PCGF3: variants seen among roughly 807,000 people sequenced by gnomAD.
The protein encoded by PCGF3 is polycomb group ring finger 3, also known as polycomb group RING finger protein 3.
A neutral mutation model predicts 33.1 loss-of-function variants in PCGF3; 7 were observed. The observed-to-expected ratio is 0.21, with a 90% CI of 0.12 to 0.40. The LOEUF (loss-of-function observed/expected upper bound fraction) is 0.40. PCGF3 is among the 10% of genes least tolerant of loss of function. PCGF3 has a pLI of 1.00. For synonymous variants in PCGF3, 153 were observed against 121.3 expected (o/e 1.26, Z -1.72); for missense variants, 211 against 313.3 (o/e 0.67, Z 2.46).
At chr4:722,979 G>A (rs1465452303) in intron 1 of PCGF3, among the ~76,000 whole-genome samples, 3 of 130,460 alleles carry the variant, frequency 2.3e-5, no homozygotes, top group African/African-American at 3.2e-5. Context: ...TCCACACTCA[G>A]TCATCGCCCG....
At chr4:753,704 T>G (rs1482570471) in intron 8 of PCGF3, among the ~76,000 whole-genome samples, 1 of 150,708 alleles carries the variant, frequency 6.6e-6, no homozygotes, top group Non-Finnish European at 1.5e-5. Context: ...TCCCAGTACT[T>G]TGGGAGGCTG....
intron 6 of PCGF3, among the ~76,000 whole-genome samples, chr4:740,220 G>A (rs555647174): frequency 2.6e-5 from 4 of 152,344 alleles, no homozygotes; most frequent in African/African-American, 4.8e-5. Context: ...TGGAGGAGAC[G>A]CCAACACGGT....
At chr4:736,188 C>T (rs1023538398) in intron 5 of PCGF3, among the ~76,000 whole-genome samples, 1 of 152,066 alleles carries the variant, frequency 6.6e-6, no homozygotes, top group Non-Finnish European at 1.5e-5. Flanking sequence ...GCTGGAATTA[C>T]AGGCGCATGT....
intron 1 of PCGF3, among the ~76,000 whole-genome samples, chr4:716,148 A>G (rs1411729404): frequency 4.5e-4 from 45 of 99,044 alleles, no homozygotes; most frequent in Middle Eastern, 0.02. Context: ...GGGACCCTGT[A>G]GACACTGAGT....
At chr4:715,054 T>A (rs1432204329) in intron 1 of PCGF3, among the ~76,000 whole-genome samples, 2 of 147,988 alleles carry the variant, frequency 1.4e-5, no homozygotes, top group Non-Finnish European at 3.0e-5. Flanking sequence ...TGGGACCCTG[T>A]AGACACTGAG....
At chr4:740,554 C>T (rs999591779) in intron 6 of PCGF3, among the ~76,000 whole-genome samples, 14 of 152,016 alleles carry the variant, frequency 9.2e-5, no homozygotes, top group African/African-American at 3.4e-4. Flanking sequence ...ACTCACCAGT[C>T]CTCTTTCCAT....
rs941980076 is a variant in PCGF3 at position 720,019 on chromosome 4, C to T, written c.-189-10611C>T. ...GGGGCATCTGTGGGGCCAGTTGCAG[C>T]AGTTTGGTCATTTTTGTGTGAAAAT... On this transcript the variant is annotated intron_variant, in intron 1 of 10. Coordinates refer to ENST00000362003, the Ensembl canonical transcript of PCGF3. This position sits in a 1 kb window ranked among gnomAD's most constrained non-coding sequence, Gnocchi z 5.6. Among the ~76,000 whole-genome samples the T allele has an allele frequency of 7.2e-5, 11 of 152,180 alleles. No homozygotes were observed. The highest frequency in any genetic ancestry group is 2.7e-4 in the African/African-American group (11 of 41,436).
At chr4:712,978 C>T (rs531234339) in intron 1 of PCGF3, among the ~76,000 whole-genome samples, 145 of 150,902 alleles carry the variant, frequency 9.6e-4, no homozygotes, top group Middle Eastern at 3.5e-3. Flanking sequence ...CTGTGAGCCT[C>T]GTGGGAGCTG....
intron 8 of PCGF3, among the ~76,000 whole-genome samples, chr4:752,629 C>T (rs1438119379): frequency 3.3e-5 from 5 of 152,066 alleles, no homozygotes; most frequent in Admixed American, 6.5e-5. Context: ...CCTGAGTGTC[C>T]GCTGGGACTC....
At chr4:756,453 TC>T (rs1423858479) in intron 8 of PCGF3, among the ~76,000 whole-genome samples, 1 of 152,002 alleles carries the variant, frequency 6.6e-6, no homozygotes, top group Non-Finnish European at 1.5e-5. Flanking sequence ...CCTCAAATGA[TC>T]CACCCGCCTC....
chr4:724,653 C>T (rs751883200), intron 1 of PCGF3, among the ~76,000 whole-genome samples: 6 of 152,104 alleles, frequency 3.9e-5, no homozygotes, highest in African/African-American at 7.2e-5. Context: ...GTGAAACCCC[C>T]GTCTCTACTA....
At chr4:748,105 G>A (rs1030787887) in intron 8 of PCGF3, among the ~76,000 whole-genome samples, 1 of 152,190 alleles carries the variant, frequency 6.6e-6, no homozygotes, top group Admixed American at 6.5e-5. Flanking sequence ...CTCTTCGTGT[G>A]TCATTTACTG....
chr4:763,857 G>A (rs1181427661), intron 9 of PCGF3, among the ~76,000 whole-genome samples: 26 of 152,208 alleles, frequency 1.7e-4, no homozygotes, highest in Non-Finnish European at 2.9e-5. Context: ...ATCCATACTG[G>A]ACTATTATCC....
intron 7 of PCGF3, 117 bp downstream of exon 7, chr4:743,701 G>A (rs761279356): frequency 8.7e-5 from 56 of 643,366 alleles, no homozygotes; most frequent in Middle Eastern, 8.5e-4. Flanking sequence ...AGAACGTGGG[G>A]GAACCTGAGG....
At chr4:740,300 T>C (rs1744030732) in intron 6 of PCGF3, among the ~76,000 whole-genome samples, 1 of 152,244 alleles carries the variant, frequency 6.6e-6, no homozygotes, top group Non-Finnish European at 1.5e-5. Flanking sequence ...GGTGGGGGCT[T>C]GCTGGAAGAG....
intron 8 of PCGF3, among the ~76,000 whole-genome samples, chr4:751,856 C>T (rs769549649): frequency 7.2e-5 from 11 of 152,234 alleles, no homozygotes; most frequent in Admixed American, 1.3e-4. Flanking sequence ...GCTTCACAGC[C>T]GACCTCTTCT....
chr4:748,041 G>C lies in PCGF3; in HGVS notation c.462+3353G>C, dbSNP rs574723889. Reference sequence around the variant, plus strand: ...TGTGCTCCGTGAATGTTACGTGAAAGAAAGTAAAGCCTGGCAGTGTGTTGA... The same window carrying C: ...TGTGCTCCGTGAATGTTACGTGAAACAAAGTAAAGCCTGGCAGTGTGTTGA... On this transcript the variant is annotated intron_variant, in intron 8 of 10. Transcript: ENST00000362003. Among the ~76,000 whole-genome samples, 6 of 152,288 alleles carry C rather than the reference G, an allele frequency of 3.9e-5. No individual in the cohort carries two copies. The South Asian group carries it at 1.2e-3, about 32-fold the overall frequency.
intron 6 of PCGF3, among the ~76,000 whole-genome samples, chr4:739,618 C>T (rs368862388): frequency 6.6e-6 from 1 of 152,196 alleles, no homozygotes; most frequent in African/African-American, 2.4e-5. Context: ...GCGTTCCACC[C>T]GTGTTTTTGG....
intron 6 of PCGF3, among the ~76,000 whole-genome samples, chr4:741,685 G>A (rs1425236367): frequency 1.3e-5 from 2 of 152,190 alleles, no homozygotes; most frequent in Non-Finnish European, 2.9e-5. Context: ...GGGATGACAG[G>A]TGTGAGCCAC....
Sources: allele counts gnomAD v4.1 joint callset (sites outside exome capture counted in the v4.1 genomes callset), GRCh38; gene constraint gnomAD v4.1.1; non-coding constraint Gnocchi (gnomAD v3.1); transcripts MANE v1.5; gene names NCBI Gene and HGNC (gene_info 2026-07-23, HGNC 2026-07-21).